SMARCA4: variants seen among roughly 807,000 people sequenced by gnomAD.
SMARCA4 encodes the protein SWI/SNF-related matrix-associated actin-dependent regulator of chromatin subfamily A member 4.
A neutral mutation model predicts 193.9 loss-of-function variants in SMARCA4; 31 were observed. That is an observed-to-expected ratio of 0.16 (90% CI 0.12 to 0.22). SMARCA4 has a LOEUF of 0.22. Among genes scored for constraint, SMARCA4 ranks in the 10% least tolerant of loss-of-function variants. The pLI, the probability that SMARCA4 is intolerant of heterozygous loss-of-function variation, is 1.00. For missense variants in SMARCA4, 1,148 were observed against 2,296.0 expected (o/e 0.50, Z 10.22); for synonymous variants, 942 against 933.1 (o/e 1.01, Z -0.17).
chr19:11,048,073 C>T (rs907544878), intron 30 of SMARCA4, among the ~76,000 whole-genome samples: 1 of 152,204 alleles, frequency 6.6e-6, no homozygotes, highest in Non-Finnish European at 1.5e-5. Flanking sequence ...GTGCTCATGT[C>T]ACTCGGCCCT....
chr19:10,997,514 C>T (rs1453037833), intron 11 of SMARCA4, among the ~76,000 whole-genome samples: 1 of 152,162 alleles, frequency 6.6e-6, no homozygotes, highest in African/African-American at 2.4e-5. Flanking sequence ...TTAGTAGAGA[C>T]GGGGTTTCAC....
intron 34 of SMARCA4, among the ~76,000 whole-genome samples, chr19:11,061,306 G>T (rs1446034755): frequency 1.3e-5 from 2 of 148,824 alleles, no homozygotes; most frequent in Non-Finnish European, 3.0e-5. Context: ...TAGGTCAGGG[G>T]CCAAGGGCCA....
In SMARCA4 at chr19:10,996,558, G is replaced by T; in HGVS notation, c.1812+14G>T. 6.2e-7 allele frequency: 1 copy of T among 1,613,488 alleles called. No homozygotes were observed. Among genetic ancestry groups the T allele is most frequent in the Admixed American group, 1.7e-5 (1 of 60,028 alleles). The stretch of plus-strand genomic sequence containing the variant: ...CCGGATGGCGAGGTGAGGAAGCAGG[G>T]TTTCTTGTGGAAGTATCAAGCTAGC... On this transcript the variant is annotated intron_variant, in intron 11 of 34. Coordinates refer to ENST00000344626, the MANE Select transcript of SMARCA4 (RefSeq NM_003072.5).
Position 10,991,033 on chromosome 19 carries a change from G to T in SMARCA4, c.1246-117G>T. On this transcript the variant is annotated intron_variant, in intron 7 of 34. Coordinates refer to ENST00000344626, the MANE Select transcript of SMARCA4 (RefSeq NM_003072.5). ...TCCCCTGCACACACGGACTGGGTGTGTAAGGCACTTACAATGCTCCTTTAG... is the reference window on the plus strand; with the variant it reads ...TCCCCTGCACACACGGACTGGGTGTTTAAGGCACTTACAATGCTCCTTTAG... 2.6e-6 allele frequency: 4 copies of T among 1,526,260 alleles called. No homozygotes were observed. In the South Asian group the frequency reaches 3.6e-5, roughly 14 times the overall value. 94.5% of individuals were successfully genotyped at this position (1,526,260 alleles called of 1,614,324 possible).
Position 11,019,611 on chromosome 19 carries a change from G to A in SMARCA4, c.2526G>A (p.Arg842=), listed in dbSNP as rs958322658. Residue 842 remains arginine, a synonymous_variant, in exon 18 of 35, where the codon CGG becomes CGA. Coordinates refer to ENST00000344626, the MANE Select transcript of SMARCA4 (RefSeq NM_003072.5). This position sits in a 1 kb window ranked among gnomAD's most constrained non-coding sequence, Gnocchi z 6.1. ...VSYKGSPAAR[R]AFVPQLRSGK... Reference sequence around the variant, plus strand: ...TGCAGGGATCCCCAGCAGCAAGACGGGCCTTTGTCCCCCAGCTCCGGAGTG... The same window carrying A: ...TGCAGGGATCCCCAGCAGCAAGACGAGCCTTTGTCCCCCAGCTCCGGAGTG... 6 of 1,612,152 alleles carry A rather than the reference G, an allele frequency of 3.7e-6. No individual in the cohort carries two copies. Among genetic ancestry groups the A allele is most frequent in the Non-Finnish European group, 5.1e-6 (6 of 1,179,180 alleles).
chr19:10,967,076 T>G (rs1450074676), intron 1 of SMARCA4, among the ~76,000 whole-genome samples: 4 of 152,122 alleles, frequency 2.6e-5, no homozygotes, highest in Non-Finnish European at 5.9e-5. Flanking sequence ...GATTTCTTGA[T>G]TGAAGTTTTC....
At chr19:11,009,138 C>T (rs1367214801) in intron 14 of SMARCA4, among the ~76,000 whole-genome samples, 2 of 144,888 alleles carry the variant, frequency 1.4e-5, no homozygotes, top group East Asian at 2.2e-4. Context: ...TCTCTTGCCT[C>T]GGCCTCCTGA....
In SMARCA4 at chr19:11,009,007, C is replaced by CTTTTTTTTTTTTT. The variant is rs762148337; in HGVS notation, c.2123+1006_2123+1018dup. ...AAAAAATGTAGGTGGATAAAAGTCACTTTTTTTTTTTTTTTTTTTTTTTTT... is the reference window on the plus strand; with the variant it reads ...AAAAAATGTAGGTGGATAAAAGTCACTTTTTTTTTTTTTTTTTTTTTTTTTTTTTTTTTTTTTT... On this transcript the variant is annotated intron_variant, in intron 14 of 34. Transcript: ENST00000344626. Among the ~76,000 whole-genome samples the CTTTTTTTTTTTTT allele has an allele frequency of 1.2e-3, 49 of 40,956 alleles. 4 individuals are homozygous for CTTTTTTTTTTTTT. Among genetic ancestry groups the CTTTTTTTTTTTTT allele is most frequent in the Non-Finnish European group, 1.5e-3 (38 of 24,632 alleles). The allele number at this position is 40,956 out of a possible 152,430, so 26.9% of individuals were successfully genotyped here.
rs1043445785 is a variant in SMARCA4, at chr19:10,985,633, C to A, written c.355+228C>A. 2.0e-5 allele frequency among the ~76,000 whole-genome samples: 3 copies of A among 152,308 alleles called. No homozygotes were observed. Among genetic ancestry groups the A allele is most frequent in the Middle Eastern group, 3.4e-3 (1 of 294 alleles). ...GGGGAAATGCTGGTTGGGGGGCAGA[C>A]CATGTTCAGCATGGGTGATAGAGGA... On this transcript the variant is annotated intron_variant, in intron 3 of 34. Transcript: ENST00000344626. The surrounding 1 kb of genome is among the most constrained non-coding windows in gnomAD (Gnocchi z 4.5).
chr19:11,060,239 C>G lies in SMARCA4; in HGVS notation c.4911+52C>G, dbSNP rs150258405. On this transcript the variant is annotated intron_variant, in intron 34 of 34. Transcript: ENST00000344626. The stretch of plus-strand genomic sequence containing the variant: ...AGCTGGCATGTGGCAGGAGGCATCC[C>G]GGGGCCCTGATGGGACAGCCCTGTG... 1.0e-5 allele frequency: 16 copies of G among 1,546,632 alleles called. No individual in the cohort carries two copies. In the African/African-American group the frequency reaches 2.1e-4, roughly 20 times the overall value.
At chr19:11,047,493 C>G (rs1042704842) in intron 30 of SMARCA4, 1 of 151,678 alleles carries the variant, frequency 6.6e-6, no homozygotes, top group African/African-American at 2.4e-5. Context: ...ACTGTAACCT[C>G]TGCCTCCTGG....
At chr19:11,047,873 G>A (rs1036216249) in intron 30 of SMARCA4, 1 of 152,226 alleles carries the variant, frequency 6.6e-6, no homozygotes, top group African/African-American at 2.4e-5. Flanking sequence ...CAGCCATTAG[G>A]TGTGACATTC....
At position 10,961,044 on chromosome 19, in the gene SMARCA4, G is replaced by A. The variant is rs1197657519; in HGVS notation, c.-162G>A. The stretch of plus-strand genomic sequence containing the variant: ...CCGAGGCGGGCGGGCGCGCGCGCGA[G>A]GCTTCCCCTCGTTTGGCGGCGGCGG... On this transcript the variant is annotated 5_prime_UTR_variant, in exon 1 of 35. Coordinates refer to ENST00000344626, the MANE Select transcript of SMARCA4 (RefSeq NM_003072.5). 2 of 149,406 alleles carry A rather than the reference G, an allele frequency of 1.3e-5. No homozygotes were observed. Among genetic ancestry groups the A allele is most frequent in the African/African-American group, 4.9e-5 (2 of 41,064 alleles). The allele number at this position is 149,406 out of a possible 1,614,324, so 9.3% of individuals were successfully genotyped here. A position where few individuals can be genotyped will look rare whatever the true frequency, so the allele number is the denominator to read the frequency against.
At chr19:10,962,731 T>C (rs1170316806) in intron 1 of SMARCA4, among the ~76,000 whole-genome samples, 2 of 152,058 alleles carry the variant, frequency 1.3e-5, no homozygotes, top group African/African-American at 2.4e-5. Flanking sequence ...TTAGTAGATA[T>C]GGGGTTTTAC....
chr19:11,024,269 G>A (rs1344987229), intron 20 of SMARCA4, 62 bp from the exon 21 acceptor site: 4 of 1,165,356 alleles, frequency 3.4e-6, no homozygotes, highest in Non-Finnish European at 5.2e-6. Context: ...GCTGGGTTCG[G>A]ATGGGGGGAG....
intron 1 of SMARCA4, among the ~76,000 whole-genome samples, chr19:10,968,334 TG>T (rs2084399539): frequency 6.6e-6 from 1 of 152,122 alleles, no homozygotes; most frequent in South Asian, 2.1e-4. Context: ...GCTTTGCTTT[TG>T]GGGACTCTGT....
intron 33 of SMARCA4, 28 bp from the exon 34 acceptor site, chr19:11,060,017 G>C (rs1312909210): frequency 1.3e-6 from 2 of 1,594,866 alleles, no homozygotes; most frequent in South Asian, 1.1e-5. Context: ...AGAGCTCAAG[G>C]CTGTCTTTCC....
At chr19:11,047,216 A>T (rs773450198) in intron 30 of SMARCA4, among the ~76,000 whole-genome samples, 4 of 152,090 alleles carry the variant, frequency 2.6e-5, no homozygotes, top group Non-Finnish European at 5.9e-5. Context: ...AAGGCTACAG[A>T]TTAAAATCAA....
At position 10,983,821 on chromosome 19, in the gene SMARCA4, C is replaced by G. The variant is rs372309151; in HGVS notation, c.-31-300C>G. ...CAGTGTGAAGGGTAGACCAGCACCC[C>G]CTGAGACACCCTCTGCCGTGATCAG... On this transcript the variant is annotated intron_variant, in intron 1 of 34. Coordinates refer to ENST00000344626, the MANE Select transcript of SMARCA4 (RefSeq NM_003072.5). 1.4e-3 allele frequency: 651 copies of G among 477,806 alleles called. 5 individuals are homozygous for G. Among genetic ancestry groups the G allele is most frequent in the African/African-American group, 4.6e-3 (235 of 51,400 alleles). 29.6% of individuals were successfully genotyped at this position (477,806 alleles called of 1,614,324 possible). A position where few individuals can be genotyped will look rare whatever the true frequency, so the allele number is the denominator to read the frequency against.
Sources: allele counts gnomAD v4.1 joint callset (sites outside exome capture counted in the v4.1 genomes callset), GRCh38; gene constraint gnomAD v4.1.1; non-coding constraint Gnocchi (gnomAD v3.1); transcripts MANE v1.5; gene names NCBI Gene and HGNC (gene_info 2026-07-23, HGNC 2026-07-21).